The following FAM186A variants were observed in gnomAD, a reference collection of about 807,000 sequenced individuals.
FAM186A encodes the protein family with sequence similarity 186 member A.
Under a neutral mutation model 216.8 loss-of-function variants are expected in FAM186A, and 163 were observed. That is an observed-to-expected ratio of 0.75 (90% CI 0.66 to 0.86). The LOEUF (loss-of-function observed/expected upper bound fraction) is 0.86, where lower values mean the gene tolerates loss of function less well. FAM186A is among the 40% of genes least tolerant of loss of function. The probability of loss-of-function intolerance (pLI) is 0.00; values close to 1 mark genes in which losing one functional copy is unlikely to be tolerated. For missense variants in FAM186A, 2,184 were observed against 2,746.2 expected (o/e 0.80, Z 4.58); for synonymous variants, 805 against 1,025.3 (o/e 0.79, Z 4.10).
At chr12:50,365,176 C>G (rs1943076475) in intron 1 of FAM186A, among the ~76,000 whole-genome samples, 1 of 152,016 alleles carries the variant, frequency 6.6e-6, no homozygotes, top group Admixed American at 6.6e-5. Context: ...TTTCACCATT[C>G]TGGAACACCA....
chr12:50,386,162 C>T (rs780408304), intron 1 of FAM186A, among the ~76,000 whole-genome samples: 1 of 152,178 alleles, frequency 6.6e-6, no homozygotes, highest in African/African-American at 2.4e-5. Flanking sequence ...GGCATAGTAG[C>T]TTACGCCTGT....
intron 1 of FAM186A, among the ~76,000 whole-genome samples, chr12:50,377,534 A>G (rs896362041): frequency 6.6e-6 from 1 of 152,192 alleles, no homozygotes; most frequent in Non-Finnish European, 1.5e-5. Context: ...GGCACAACCA[A>G]TGAAAGTACA....
At chr12:50,345,984 C>T (rs192300903) in intron 4 of FAM186A, among the ~76,000 whole-genome samples, 13 of 114,266 alleles carry the variant, frequency 1.1e-4, no homozygotes, top group East Asian at 7.4e-4. Context: ...GGGACAAGAG[C>T]GAGACTTTGC....
At chr12:50,390,438 T>C (rs1943346941) in intron 1 of FAM186A, among the ~76,000 whole-genome samples, 1 of 152,160 alleles carries the variant, frequency 6.6e-6, no homozygotes, top group African/African-American at 2.4e-5. Flanking sequence ...TTCAGGTATT[T>C]ATTTTCATTC....
chr12:50,380,594 G>C (rs1279863764), intron 1 of FAM186A, among the ~76,000 whole-genome samples: 1 of 151,476 alleles, frequency 6.6e-6, no homozygotes, highest in Non-Finnish European at 1.5e-5. Context: ...TACTCAGGAG[G>C]CTGAGGCAAG....
chr12:50,390,667 A>G (rs1943348687), intron 1 of FAM186A, among the ~76,000 whole-genome samples: 2 of 152,084 alleles, frequency 1.3e-5, no homozygotes, highest in East Asian at 3.9e-4. Flanking sequence ...AGGTTTACAA[A>G]TTCAGTGACT....
chr12:50,387,855 T>C (rs1187984534), intron 1 of FAM186A, among the ~76,000 whole-genome samples: 1 of 152,190 alleles, frequency 6.6e-6, no homozygotes, highest in African/African-American at 2.4e-5. Context: ...GGCTGCTCTT[T>C]GTTAGAAAAT....
rs1943054527 is a variant in FAM186A, at chr12:50,363,255, T to C, written c.302A>G (p.His101Arg). Residue 101 changes from histidine (H) to arginine (R), a missense_variant, in exon 2 of 8, where the codon CAT becomes CGT. His to Arg is a conservative substitution (Grantham distance 29). Around this residue, in one of 7 missense-constraint regions of FAM186A, gnomAD observed 1,132 missense variants for 1,263.4 expected, o/e 0.90. Coordinates refer to ENST00000327337, the MANE Select transcript of FAM186A (RefSeq NM_001145475.3). Reference sequence around the variant, plus strand: ...AAAATTGGTTCTCTGTTTTTTCTTATGTTCTGTAAGGGAGACATTCCTTTC... The same window carrying C: ...AAAATTGGTTCTCTGTTTTTTCTTACGTTCTGTAAGGGAGACATTCCTTTC... ...SSERNVSLTE[H>R]KKKQRTNFLE... 22 of 1,551,520 alleles carry C rather than the reference T, an allele frequency of 1.4e-5. No individual in the cohort carries two copies. Among genetic ancestry groups the C allele is most frequent in the Non-Finnish European group, 1.8e-5 (21 of 1,146,982 alleles).
intron 1 of FAM186A, among the ~76,000 whole-genome samples, chr12:50,383,328 G>A (rs1320274289): frequency 7.1e-6 from 1 of 140,128 alleles, no homozygotes; most frequent in Non-Finnish European, 1.5e-5. Context: ...GGTGGCTCAC[G>A]CCTATAACCT....
chr12:50,376,715 C>A (rs1457982701), intron 1 of FAM186A, among the ~76,000 whole-genome samples: 1 of 149,872 alleles, frequency 6.7e-6, no homozygotes, highest in Non-Finnish European at 1.5e-5. Context: ...CAATGTGGGT[C>A]AAACCTCCTT....
At position 50,350,648 on chromosome 12, in the gene FAM186A, A is replaced by G. The variant is rs1942866900; in HGVS notation, c.6184T>C (p.Leu2062=). Residue 2062 remains leucine (L), a synonymous_variant, in exon 4 of 8, where the codon TTG becomes CTG. Transcript: ENST00000327337. ...TLLRTSQISP[L]EWYQKSRFPP... ...AATCGGGATTTCTGGTACCATTCCA[A>G]AGGTGAAATCTGTGATGTTCTGAGT... 4 of 1,551,632 alleles carry G rather than the reference A, an allele frequency of 2.6e-6. No homozygotes were observed. Among genetic ancestry groups the G allele is most frequent in the African/African-American group, 2.7e-5 (2 of 73,152 alleles).
At chr12:50,346,110 G>A (rs1350610194) in intron 4 of FAM186A, among the ~76,000 whole-genome samples, 2 of 146,486 alleles carry the variant, frequency 1.4e-5, no homozygotes, top group Non-Finnish European at 3.0e-5. Flanking sequence ...GGCAGAAGTT[G>A]CAGTGAGCCA....
chr12:50,393,077 C>A (rs544847171), intron 1 of FAM186A, among the ~76,000 whole-genome samples: 1 of 150,678 alleles, frequency 6.6e-6, no homozygotes, highest in South Asian at 2.1e-4. Flanking sequence ...CAGGCGCCCG[C>A]CACCACGCCC....
intron 1 of FAM186A, among the ~76,000 whole-genome samples, chr12:50,374,544 C>G (rs1394755018): frequency 1.3e-5 from 2 of 152,108 alleles, no homozygotes; most frequent in Non-Finnish European, 2.9e-5. Flanking sequence ...AAAGAAGAAC[C>G]ATTTATCGCC....
Position 50,353,742 on chromosome 12 carries a change from C to T in FAM186A, c.3090G>A (p.Gln1030=), listed in dbSNP as rs975523637. 7.1e-6 allele frequency: 11 copies of T among 1,550,172 alleles called. No homozygotes were observed. In the African/African-American group the frequency reaches 1.4e-4, roughly 19 times the overall value. The change falls in exon 4 of 8, where the codon CAG becomes CAA. Residue 1030 remains glutamine (Q), a synonymous_variant. Coordinates refer to ENST00000327337, the MANE Select transcript of FAM186A (RefSeq NM_001145475.3). ...GGTTCTCTAATGTCTTCAGATTCCT[C>T]TGAAACTCTTTTCCTTCATATGACC... ...VQRSYEGKEF[Q]RNLKTLENLP...
chr12:50,355,516 A>G lies in FAM186A; in HGVS notation c.1316T>C (p.Val439Ala). 4 of 1,551,408 alleles carry G rather than the reference A, an allele frequency of 2.6e-6. No homozygotes were observed. The highest frequency in any genetic ancestry group is 1.4e-5 in the African/African-American group (1 of 73,154). Residue 439 changes from valine (V) to alanine (A), a missense_variant, in exon 4 of 8, where the codon GTA becomes GCA. By Grantham distance (64) the Val-to-Ala change is moderately conservative (BLOSUM62 0). Coordinates refer to ENST00000327337, the MANE Select transcript of FAM186A (RefSeq NM_001145475.3). Reference protein sequence around the residue: ...DISEDSTKDNVSLKKGDFYQE... With the variant: ...DISEDSTKDNASLKKGDFYQE... ...ATAGAAATCACCTTTCTTCAATGATACGTTATCTTTAGTGCTGTCTTCGGA... is the reference window on the plus strand; with the variant it reads ...ATAGAAATCACCTTTCTTCAATGATGCGTTATCTTTAGTGCTGTCTTCGGA...
chr12:50,395,896 G>A (rs1943407693), intron 1 of FAM186A, among the ~76,000 whole-genome samples: 1 of 151,966 alleles, frequency 6.6e-6, no homozygotes, highest in African/African-American at 2.4e-5. Context: ...TGAGTAGCTG[G>A]GATTACAGGC....
At position 50,363,318 on chromosome 12, in the gene FAM186A, A is replaced by C. The variant is rs746906738; in HGVS notation, c.239T>G (p.Ile80Arg). 6.4e-7 allele frequency: 1 copy of C among 1,551,380 alleles called. No homozygotes were observed. The highest frequency in any genetic ancestry group is 1.2e-5 in the South Asian group (1 of 84,046). ...AAAAACAAGAGTATAGCGAGTCATT[A>C]TCCGATGCACATTGTTCATTATTTC... ...LSEIMNNVHR[I>R]MTRYTLVFNS... The change falls in exon 2 of 8, where the codon ATA becomes AGA. Residue 80 changes from isoleucine (I) to arginine (R), a missense_variant. By Grantham distance (97) the Ile-to-Arg change is moderately conservative. Coordinates refer to ENST00000327337, the MANE Select transcript of FAM186A (RefSeq NM_001145475.3).
At chr12:50,393,288 A>G (rs1160604751) in intron 1 of FAM186A, among the ~76,000 whole-genome samples, 1 of 152,046 alleles carries the variant, frequency 6.6e-6, no homozygotes, top group Non-Finnish European at 1.5e-5. Context: ...CTGTAATCCT[A>G]GCACTTTGCG....
Sources: allele counts gnomAD v4.1 joint callset (sites outside exome capture counted in the v4.1 genomes callset), GRCh38; gene constraint gnomAD v4.1.1; regional missense constraint gnomAD v4.1.1; transcripts MANE v1.5; gene names NCBI Gene and HGNC (gene_info 2026-07-23, HGNC 2026-07-21).